FHIT: variants seen among roughly 807,000 people sequenced by gnomAD.
FHIT encodes the protein bis(5'-adenosyl)-triphosphatase.
FHIT carries 19 observed loss-of-function variants against 17.9 expected under a neutral mutation model. The ratio of observed to expected loss-of-function variants is 1.06; its 90% confidence interval spans 0.74 to 1.56. The LOEUF (loss-of-function observed/expected upper bound fraction) is 1.56, where lower values mean the gene tolerates loss of function less well. FHIT is among the 40% of genes most tolerant of loss of function. FHIT has a pLI of 0.00. For synonymous variants in FHIT, 81 were observed against 69.7 expected (o/e 1.16, Z -0.81); for missense variants, 248 against 189.2 (o/e 1.31, Z -1.82).
chr3:60,439,759 G>A (rs977615424), intron 5 of FHIT, among the ~76,000 whole-genome samples: 8 of 152,142 alleles, frequency 5.3e-5, no homozygotes, highest in African/African-American at 1.9e-4. Flanking sequence ...GAGCAGAAGT[G>A]CAGGCATATA....
chr3:61,141,069 C>T (rs2037067471), intron 2 of FHIT, among the ~76,000 whole-genome samples: 1 of 152,120 alleles, frequency 6.6e-6, no homozygotes, highest in African/African-American at 2.4e-5. Flanking sequence ...ATGTTCAACA[C>T]ACCCAGAACA....
intron 3 of FHIT, among the ~76,000 whole-genome samples, chr3:60,961,552 ATG>A (rs1450255923): frequency 6.6e-6 from 1 of 152,122 alleles, no homozygotes; most frequent in Non-Finnish European, 1.5e-5. Context: ...CTAGGGTTTT[ATG>A]GTTTTAGGTC....
chr3:60,542,307 C>T (rs943333808), intron 4 of FHIT, among the ~76,000 whole-genome samples: 19 of 152,290 alleles, frequency 1.2e-4, no homozygotes, highest in African/African-American at 4.3e-4. Context: ...CATTCTTACA[C>T]GTTTCCCTGG....
intron 1 of FHIT, among the ~76,000 whole-genome samples, chr3:61,212,073 G>C (rs1310226029): frequency 6.6e-6 from 1 of 152,194 alleles, no homozygotes; most frequent in Non-Finnish European, 1.5e-5. Flanking sequence ...AGAAAAACTG[G>C]AAACTCTAAA....
chr3:61,031,383 G>A (rs1423977525), intron 3 of FHIT, among the ~76,000 whole-genome samples: 1 of 152,144 alleles, frequency 6.6e-6, no homozygotes, highest in Non-Finnish European at 1.5e-5. Flanking sequence ...AGCAAATCCT[G>A]AGGAATGCAA....
At chr3:61,140,099 C>G (rs2037037758) in intron 2 of FHIT, among the ~76,000 whole-genome samples, 1 of 152,038 alleles carries the variant, frequency 6.6e-6, no homozygotes, top group African/African-American at 2.4e-5. Context: ...GCAGCCAGCC[C>G]TAGGTCAAGA....
chr3:60,201,486 G>C (rs573541316), intron 5 of FHIT, among the ~76,000 whole-genome samples: 74 of 152,026 alleles, frequency 4.9e-4, no homozygotes, highest in Non-Finnish European at 1.0e-3. Flanking sequence ...GAAGAGAGAT[G>C]CTACACTGGG....
chr3:61,199,386 A>C (rs942444870), intron 2 of FHIT, among the ~76,000 whole-genome samples: 3 of 152,226 alleles, frequency 2.0e-5, no homozygotes, highest in Non-Finnish European at 4.4e-5. Context: ...TCAATGGTCC[A>C]GAGACATGTA....
intron 5 of FHIT, among the ~76,000 whole-genome samples, chr3:60,375,577 T>C (rs1700520236): frequency 1.3e-5 from 2 of 152,020 alleles, no homozygotes; most frequent in South Asian, 4.1e-4. Flanking sequence ...AGACTCTGTC[T>C]CAAAAAATAT....
At chr3:60,456,468 T>C (rs2032101080) in intron 5 of FHIT, among the ~76,000 whole-genome samples, 1 of 152,222 alleles carries the variant, frequency 6.6e-6, no homozygotes, top group Non-Finnish European at 1.5e-5. Flanking sequence ...CCTTCTTAAA[T>C]ACAACATTAA....
rs771657506 is a variant in FHIT at position 59,879,217 on chromosome 3, T to G, written c.348+43129A>C. Reference sequence around the variant, plus strand: ...ATCTCTCTGTGGTTCTTGTGCAAACTTATACTTGTTATCATGAAAAATGAC... The same window carrying G: ...ATCTCTCTGTGGTTCTTGTGCAAACGTATACTTGTTATCATGAAAAATGAC... On this transcript the variant is annotated intron_variant, in intron 8 of 9. Coordinates refer to ENST00000492590, the MANE Select transcript of FHIT (RefSeq NM_002012.4). Among the ~76,000 whole-genome samples, 98 of 145,760 alleles carry G rather than the reference T, an allele frequency of 6.7e-4. 1 individual carries two copies. The highest frequency in any genetic ancestry group is 5.5e-4 in the Non-Finnish European group (35 of 64,158).
chr3:60,416,484 C>T (rs921009623), intron 5 of FHIT, among the ~76,000 whole-genome samples: 4 of 152,146 alleles, frequency 2.6e-5, no homozygotes, highest in Non-Finnish European at 4.4e-5. Flanking sequence ...CTCAAGTCTA[C>T]CACAATTGTG....
chr3:60,140,682 A>T (rs1700005607), intron 5 of FHIT, among the ~76,000 whole-genome samples: 1 of 151,198 alleles, frequency 6.6e-6, no homozygotes, highest in Admixed American at 6.6e-5. Flanking sequence ...AGGTTCAAGC[A>T]ATTCTCCTGC....
chr3:60,565,833 G>C (rs1436156512), intron 4 of FHIT, among the ~76,000 whole-genome samples: 2 of 152,038 alleles, frequency 1.3e-5, no homozygotes, highest in East Asian at 3.9e-4. Flanking sequence ...TGCTTCTCTA[G>C]TTCTTTTAAT....
chr3:60,655,631 C>G (rs1553689372), intron 4 of FHIT, among the ~76,000 whole-genome samples: 1 of 152,040 alleles, frequency 6.6e-6, no homozygotes, highest in African/African-American at 2.4e-5. Flanking sequence ...CAAAGATTAT[C>G]CAGTATCAAG....
intron 4 of FHIT, among the ~76,000 whole-genome samples, chr3:60,785,812 A>G (rs1168207416): frequency 6.6e-6 from 1 of 152,138 alleles, no homozygotes; most frequent in Non-Finnish European, 1.5e-5. Context: ...TAGGAGACAG[A>G]GAATTAAATG....
At chr3:59,756,349 C>A (rs997998578) in intron 8 of FHIT, among the ~76,000 whole-genome samples, 2 of 152,148 alleles carry the variant, frequency 1.3e-5, no homozygotes, top group Non-Finnish European at 2.9e-5. Context: ...AATCCCTAAT[C>A]CTCAGAGCTG....
At chr3:60,405,554 G>A (rs926587845) in intron 5 of FHIT, among the ~76,000 whole-genome samples, 1 of 152,234 alleles carries the variant, frequency 6.6e-6, no homozygotes, top group African/African-American at 2.4e-5. Context: ...GGGAACCAGT[G>A]TGCAAGCCAG....
At chr3:59,815,924 AAAT>A (rs1700584781) in intron 8 of FHIT, among the ~76,000 whole-genome samples, 2 of 152,332 alleles carry the variant, frequency 1.3e-5, no homozygotes, top group South Asian at 4.1e-4. Context: ...AGCCAAGCAG[AAAT>A]AATAAGGAAA....
Sources: gnomAD v4.1 joint callset for allele counts (sites outside exome capture counted in the v4.1 genomes callset) on GRCh38, gnomAD v4.1.1 for gene constraint, MANE v1.5 for transcripts, NCBI Gene and HGNC (gene_info 2026-07-23, HGNC 2026-07-21) for gene names.